Variants in MAPK10 observed in about 807,000 individuals in gnomAD.
The protein encoded by MAPK10 is JNK3 alpha protein kinase.
Under a neutral mutation model 59.3 loss-of-function variants are expected in MAPK10, and 25 were observed. The observed-to-expected ratio is 0.42, with a 90% confidence interval of 0.31 to 0.59. The LOEUF (loss-of-function observed/expected upper bound fraction) is 0.59. Among genes scored for constraint, MAPK10 ranks in the 20% least tolerant of loss-of-function variants. MAPK10 has a pLI of 0.15. For synonymous variants in MAPK10, 190 were observed against 200.5 expected (o/e 0.95, Z 0.44); for missense variants, 351 against 568.9 (o/e 0.62, Z 3.90).
chr4:86,471,977 C>T (rs1056214152), intron 1 of MAPK10, among the ~76,000 whole-genome samples: 3 of 152,110 alleles, frequency 2.0e-5, no homozygotes, highest in African/African-American at 7.2e-5. Flanking sequence ...GAAAAAATTT[C>T]ATACCAACAT....
At chr4:86,406,895 A>C (rs892966795) in intron 1 of MAPK10, among the ~76,000 whole-genome samples, 2 of 152,144 alleles carry the variant, frequency 1.3e-5, no homozygotes, top group African/African-American at 4.8e-5. Flanking sequence ...TTAACAACAC[A>C]TTTTCATTTA....
At chr4:86,078,555 A>AT (rs1354118642) in intron 9 of MAPK10, among the ~76,000 whole-genome samples, 1 of 151,542 alleles carries the variant, frequency 6.6e-6, no homozygotes, top group Non-Finnish European at 1.5e-5. Flanking sequence ...TGTTAAAAGA[A>AT]TTTTTTTCTA....
chr4:86,047,239 G>A (rs1247097534), intron 11 of MAPK10, among the ~76,000 whole-genome samples: 9 of 151,994 alleles, frequency 5.9e-5, no homozygotes, highest in Admixed American at 2.0e-4. Flanking sequence ...GCAAGGGGGC[G>A]GCCGAAGAGT....
intron 4 of MAPK10, among the ~76,000 whole-genome samples, chr4:86,108,618 G>C (rs764094620): frequency 2.0e-5 from 3 of 152,062 alleles, no homozygotes; most frequent in Non-Finnish European, 2.9e-5. Context: ...AGTTTCACCA[G>C]TCTCTGTTTG....
intron 9 of MAPK10, among the ~76,000 whole-genome samples, chr4:86,091,807 G>A (rs983440610): frequency 4.0e-5 from 6 of 151,794 alleles, no homozygotes; most frequent in African/African-American, 1.5e-4. Context: ...CCTAGTAGCT[G>A]AGATTACAGG....
At chr4:86,169,801 G>C (rs2073409095) in intron 3 of MAPK10, among the ~76,000 whole-genome samples, 1 of 151,814 alleles carries the variant, frequency 6.6e-6, no homozygotes, top group African/African-American at 2.4e-5. Context: ...AAAATGTTAA[G>C]GGCAGCCAGA....
intron 4 of MAPK10, among the ~76,000 whole-genome samples, chr4:86,142,083 G>A (rs2063759174): frequency 6.6e-6 from 1 of 152,124 alleles, no homozygotes; most frequent in Non-Finnish European, 1.5e-5. Flanking sequence ...ACTCACTACT[G>A]TAAGAACTGC....
intron 1 of MAPK10, among the ~76,000 whole-genome samples, chr4:86,394,223 C>T (rs1302738029): frequency 6.6e-6 from 1 of 151,642 alleles, no homozygotes; most frequent in Non-Finnish European, 1.5e-5. Flanking sequence ...GAGCCCAGAT[C>T]GCGCCATTGC....
intron 3 of MAPK10, among the ~76,000 whole-genome samples, chr4:86,184,974 G>A (rs575494107): frequency 6.6e-6 from 1 of 152,256 alleles, no homozygotes; most frequent in South Asian, 2.1e-4. Context: ...ATGGTGTGCT[G>A]GTAAATGTTC....
rs190590227 is a variant in MAPK10, at chr4:86,243,018, C to T, written c.-6-48611G>A. Among the ~76,000 whole-genome samples the T allele has an allele frequency of 7.2e-5, 11 of 152,320 alleles. No homozygotes were observed. The East Asian group carries it at 2.1e-3, about 29-fold the overall frequency. On this transcript the variant is annotated intron_variant, in intron 2 of 13. Coordinates refer to ENST00000641462, the MANE Select transcript of MAPK10 (RefSeq NM_138982.4). ...CGTGGGAAAAGCACAGTTTTCCCAG[C>T]TGGGTAGCGCGCTCACTCACTGCCT...
At chr4:86,278,746 A>G (rs1309681028) in intron 2 of MAPK10, among the ~76,000 whole-genome samples, 1 of 152,194 alleles carries the variant, frequency 6.6e-6, no homozygotes, top group Non-Finnish European at 1.5e-5. Context: ...TAGAATACAC[A>G]GGAAAAAGTC....
At chr4:86,069,972 A>C (rs1293957357) in intron 9 of MAPK10, among the ~76,000 whole-genome samples, 1 of 152,196 alleles carries the variant, frequency 6.6e-6, no homozygotes, top group Non-Finnish European at 1.5e-5. Context: ...GGAATTTGTT[A>C]AATAAGAATT....
chr4:86,179,441 A>G (rs1488481835), intron 3 of MAPK10, among the ~76,000 whole-genome samples: 2 of 152,112 alleles, frequency 1.3e-5, no homozygotes, highest in African/African-American at 4.8e-5. Flanking sequence ...AAAGCAACCT[A>G]CACATTCAAT....
intron 3 of MAPK10, among the ~76,000 whole-genome samples, chr4:86,168,500 G>T (rs1279591958): frequency 6.6e-6 from 1 of 152,236 alleles, no homozygotes; most frequent in Admixed American, 6.5e-5. Flanking sequence ...GTGGCAGCGA[G>T]GCTGGGGGAG....
intron 11 of MAPK10, among the ~76,000 whole-genome samples, chr4:86,036,242 C>T (rs1422560389): frequency 1.3e-5 from 2 of 152,098 alleles, no homozygotes; most frequent in East Asian, 3.9e-4. Context: ...GCTATCACCC[C>T]CAGAAAGATC....
intron 9 of MAPK10, among the ~76,000 whole-genome samples, chr4:86,096,303 C>G (rs534268803): frequency 6.6e-6 from 1 of 151,696 alleles, no homozygotes; most frequent in South Asian, 2.1e-4. Context: ...AGGGGCACCT[C>G]CAAGAGAAAA....
intron 2 of MAPK10, among the ~76,000 whole-genome samples, chr4:86,202,773 G>A (rs2082932026): frequency 6.6e-6 from 1 of 151,906 alleles, no homozygotes; most frequent in Admixed American, 6.6e-5. Flanking sequence ...TTTAATGAAT[G>A]AATAATCTTG....
intron 1 of MAPK10, among the ~76,000 whole-genome samples, chr4:86,443,227 G>C (rs1168803433): frequency 2.0e-5 from 3 of 151,130 alleles, no homozygotes; most frequent in Admixed American, 2.0e-4. Context: ...GCTTCTCACA[G>C]TGAAAATGGA....
At chr4:86,483,983 G>A (rs955576480) in intron 1 of MAPK10, among the ~76,000 whole-genome samples, 1 of 152,160 alleles carries the variant, frequency 6.6e-6, no homozygotes, top group Non-Finnish European at 1.5e-5. Flanking sequence ...CAGGCCAAGA[G>A]AGCAGGCTTC....
Sources: gnomAD v4.1 joint callset for allele counts (sites outside exome capture counted in the v4.1 genomes callset) on GRCh38, gnomAD v4.1.1 for gene constraint, MANE v1.5 for transcripts, NCBI Gene and HGNC (gene_info 2026-07-23, HGNC 2026-07-21) for gene names.